The following PHKB variants were observed in gnomAD, a reference collection of about 807,000 sequenced individuals.
The protein encoded by PHKB is phosphorylase b kinase regulatory subunit beta.
In PHKB, 122 loss-of-function variants were observed where a neutral mutation model predicts 152.1. That is an observed-to-expected ratio of 0.80 (90% confidence interval 0.69 to 0.93). PHKB has a LOEUF of 0.93. Among genes scored for constraint, PHKB ranks in the 40% least tolerant of loss-of-function variants. The pLI is 0.00. For synonymous variants in PHKB, 436 were observed against 464.9 expected (o/e 0.94, Z 0.80); for missense variants, 1,304 against 1,328.4 (o/e 0.98, Z 0.29).
intron 7 of PHKB, chr16:47,565,982 T>C: frequency 1.3e-6 from 1 of 784,630 alleles, no homozygotes; most frequent in Non-Finnish European, 2.1e-6. Context: ...TGGAGCTCTA[T>C]GACCGATCAT....
At chr16:47,699,110 A>G (rs1422763748) in intron 30 of PHKB, 119 bp from the exon 31 acceptor site, 14 of 938,046 alleles carry the variant, frequency 1.5e-5, no homozygotes, top group Non-Finnish European at 2.4e-5. Flanking sequence ...GGAATCTCAT[A>G]TTTTCCATAA....
chr16:47,472,967 A>T (rs896068218), intron 1 of PHKB, among the ~76,000 whole-genome samples: 4 of 151,878 alleles, frequency 2.6e-5, no homozygotes, highest in Non-Finnish European at 2.9e-5. Flanking sequence ...AGTAATAGAA[A>T]ATTGTAACTG....
intron 1 of PHKB, among the ~76,000 whole-genome samples, chr16:47,490,762 T>C (rs1470973967): frequency 1.3e-5 from 2 of 152,232 alleles, no homozygotes; most frequent in Non-Finnish European, 2.9e-5. Flanking sequence ...TTCCAAATTT[T>C]GCCAAAGGGC....
chr16:47,543,427 A>G (rs921398834), intron 6 of PHKB, among the ~76,000 whole-genome samples: 1 of 152,182 alleles, frequency 6.6e-6, no homozygotes, highest in Non-Finnish European at 1.5e-5. Context: ...GGATTTTTGC[A>G]TCGATGTTCT....
intron 26 of PHKB, among the ~76,000 whole-genome samples, chr16:47,684,014 C>A (rs1333824235): frequency 6.7e-6 from 1 of 150,148 alleles, no homozygotes; most frequent in Non-Finnish European, 1.5e-5. Flanking sequence ...CAGTTCTATT[C>A]TGTATGGCTT....
At chr16:47,504,546 G>A (rs977058365) in intron 4 of PHKB, among the ~76,000 whole-genome samples, 1 of 152,194 alleles carries the variant, frequency 6.6e-6, no homozygotes, top group Non-Finnish European at 1.5e-5. Context: ...TCTTTCTGTG[G>A]TTAGCAGTCT....
Position 47,700,138 on chromosome 16 carries a change from T to TAGG in PHKB, c.*775_*777dup, listed in dbSNP as rs1183442935. ...CTGAGGCAGGTGGATCACTTGAGGT[T>TAGG]AGGAGTTCAAGACCAGCCCAGCCAA... On this transcript the variant is annotated 3_prime_UTR_variant, in exon 31 of 31. Coordinates refer to ENST00000323584, the MANE Select transcript of PHKB (RefSeq NM_000293.3). 1 of 152,058 alleles carries TAGG rather than the reference T, an allele frequency of 6.6e-6. No individual in the cohort carries two copies. The highest frequency in any genetic ancestry group is 1.5e-5 in the Non-Finnish European group (1 of 68,130). 9.4% of individuals were successfully genotyped at this position (152,058 alleles called of 1,614,324 possible).
intron 14 of PHKB, among the ~76,000 whole-genome samples, chr16:47,635,714 C>A (rs1382920596): frequency 2.0e-5 from 3 of 152,182 alleles, no homozygotes; most frequent in African/African-American, 7.2e-5. Flanking sequence ...CTTTGAGAGG[C>A]AGGATAAGTG....
intron 3 of PHKB, among the ~76,000 whole-genome samples, 174 bp downstream of exon 3, chr16:47,500,068 G>A (rs1970299806): frequency 6.7e-6 from 1 of 149,428 alleles, no homozygotes; most frequent in African/African-American, 2.5e-5. Flanking sequence ...TTTTTTTTGA[G>A]ATGAGGTTAC....
chr16:47,574,116 C>T (rs1012998076), intron 7 of PHKB, among the ~76,000 whole-genome samples: 26 of 152,270 alleles, frequency 1.7e-4, no homozygotes, highest in African/African-American at 5.8e-4. Flanking sequence ...GACAGGGTTT[C>T]GCCATGTTGA....
At chr16:47,490,738 C>A (rs904107760) in intron 1 of PHKB, among the ~76,000 whole-genome samples, 1 of 152,140 alleles carries the variant, frequency 6.6e-6, no homozygotes, top group African/African-American at 2.4e-5. Context: ...GAAGCAAAAA[C>A]CTTTTATAAC....
At chr16:47,473,252 T>TA (rs1969810577) in intron 1 of PHKB, among the ~76,000 whole-genome samples, 12 of 136,042 alleles carry the variant, frequency 8.8e-5, no homozygotes, top group Admixed American at 2.9e-4. Context: ...TTTTTTTTTT[T>TA]ATTGTAGAGA....
chr16:47,463,959 A>G, intron 1 of PHKB: 1 of 1,614,000 alleles, frequency 6.2e-7, no homozygotes, highest in Non-Finnish European at 8.5e-7. Flanking sequence ...CACCTGATGC[A>G]GTCGTCTCTC....
chr16:47,630,615 A>T (rs1032965822), intron 14 of PHKB, among the ~76,000 whole-genome samples: 6 of 152,192 alleles, frequency 3.9e-5, no homozygotes, highest in Admixed American at 1.3e-4. Flanking sequence ...CTCCCCATGA[A>T]TGTAGCATGT....
intron 7 of PHKB, among the ~76,000 whole-genome samples, chr16:47,569,760 T>TA (rs1170803445): frequency 6.6e-6 from 1 of 152,122 alleles, no homozygotes; most frequent in African/African-American, 2.4e-5. Flanking sequence ...AGCTGGGACT[T>TA]ACAGGTGCAC....
chr16:47,566,086 C>T, intron 7 of PHKB: 3 of 658,640 alleles, frequency 4.6e-6, no homozygotes, highest in Non-Finnish European at 8.2e-6. Context: ...TTGCCATTGC[C>T]TATCTGGGAA....
At chr16:47,604,653 TG>T (rs1326611762) in intron 13 of PHKB, among the ~76,000 whole-genome samples, 1 of 152,230 alleles carries the variant, frequency 6.6e-6, no homozygotes. Context: ...AAAAAATACT[TG>T]CTCTGTTAAG....
At chr16:47,573,020 C>A (rs1253255846) in intron 7 of PHKB, among the ~76,000 whole-genome samples, 2 of 152,118 alleles carry the variant, frequency 1.3e-5, no homozygotes, top group Non-Finnish European at 2.9e-5. Context: ...TGGATGCGTA[C>A]CCATTGCAGA....
intron 20 of PHKB, among the ~76,000 whole-genome samples, chr16:47,655,358 T>C (rs1242542154): frequency 6.6e-6 from 1 of 152,220 alleles, no homozygotes; most frequent in Non-Finnish European, 1.5e-5. Flanking sequence ...CAAAATACTT[T>C]CAAGCTTTTA....
Sources: allele counts gnomAD v4.1 joint callset (sites outside exome capture counted in the v4.1 genomes callset), GRCh38; gene constraint gnomAD v4.1.1; transcripts MANE v1.5; gene names NCBI Gene and HGNC (gene_info 2026-07-23, HGNC 2026-07-21).